Variants in ARHGEF38 observed in about 807,000 individuals in gnomAD.
ARHGEF38 encodes the protein Rho guanine nucleotide exchange factor (GEF) 38.
In ARHGEF38, 79 loss-of-function variants were observed where a neutral mutation model predicts 79.9. That is an observed-to-expected ratio of 0.99 (90% CI 0.82 to 1.19). The LOEUF (loss-of-function observed/expected upper bound fraction) is 1.19. Among genes scored for constraint, ARHGEF38 ranks in the 50% most tolerant of loss-of-function variants. ARHGEF38 has a pLI of 0.00. For missense variants in ARHGEF38, 962 were observed against 907.2 expected (o/e 1.06, Z -0.78); for synonymous variants, 366 against 328.3 (o/e 1.11, Z -1.24).
chr4:105,613,606 C>T (rs546189173), intron 3 of ARHGEF38, 99 bp downstream of exon 3: 2 of 1,329,766 alleles, frequency 1.5e-6, no homozygotes, highest in African/African-American at 2.9e-5. Context: ...CACCATGCTT[C>T]CCAGGAGATA....
chr4:105,554,902 T>A (rs1725181750), intron 1 of ARHGEF38, among the ~76,000 whole-genome samples: 2 of 151,990 alleles, frequency 1.3e-5, no homozygotes, highest in Non-Finnish European at 2.9e-5. Flanking sequence ...AGACCACATC[T>A]AGAAATTCAG....
rs1729178035 is a variant in ARHGEF38 at position 105,631,221 on chromosome 4, T to C, written c.656+176T>C. ...ACATGCCAGAAGCCCTGATTGACTT[T>C]TTTTCCCCCTGCGAGAATGACTAAA... On this transcript the variant is annotated intron_variant, in intron 4 of 13. Transcript: ENST00000420470. 2.4e-6 allele frequency: 3 copies of C among 1,255,990 alleles called. No individual in the cohort carries two copies. In the South Asian group the frequency reaches 9.8e-5, roughly 41 times the overall value. The allele number at this position is 1,255,990 out of a possible 1,614,324, so 77.8% of individuals were successfully genotyped here.
intron 3 of ARHGEF38, among the ~76,000 whole-genome samples, chr4:105,626,020 C>A (rs910907872): frequency 7.2e-5 from 11 of 152,190 alleles, no homozygotes; most frequent in Non-Finnish European, 1.3e-4. Context: ...TGTGAACACT[C>A]TCGCATGGCC....
chr4:105,618,492 G>A (rs1341394719), intron 3 of ARHGEF38, among the ~76,000 whole-genome samples: 1 of 151,970 alleles, frequency 6.6e-6, no homozygotes, highest in South Asian at 2.1e-4. Context: ...GTGGTGGCAC[G>A]CACCTGTAGT....
At position 105,659,406 on chromosome 4, in the gene ARHGEF38, C is replaced by T. The variant is rs370974976; in HGVS notation, c.1545+41C>T. 4.0e-6 allele frequency: 6 copies of T among 1,502,464 alleles called. No homozygotes were observed. In the African/African-American group the frequency reaches 6.9e-5, roughly 17 times the overall value. The allele number at this position is 1,502,464 out of a possible 1,614,324, so 93.1% of individuals were successfully genotyped here. The stretch of plus-strand genomic sequence containing the variant: ...ACACCTAGCTAGCTACCTTGGCCTA[C>T]TGGATCTGCTAGAAACCACACCCAT... On this transcript the variant is annotated intron_variant, in intron 10 of 13. Coordinates refer to ENST00000420470, the MANE Select transcript of ARHGEF38 (RefSeq NM_001242729.2).
intron 4 of ARHGEF38, among the ~76,000 whole-genome samples, chr4:105,633,634 G>A (rs2110521534): frequency 6.6e-6 from 1 of 152,266 alleles, no homozygotes; most frequent in Middle Eastern, 3.4e-3. Context: ...TGCCTCAGAA[G>A]TTAAGGTGGA....
intron 1 of ARHGEF38, among the ~76,000 whole-genome samples, chr4:105,561,398 AATAAT>A (rs1332091200): frequency 0.018 from 345 of 18,660 alleles, 45 homozygotes; most frequent in African/African-American, 0.07. Flanking sequence ...AATAGAGTAG[AATAAT>A]AGAATAGAAT....
chr4:105,680,144 A>C lies in ARHGEF38; in HGVS notation c.*2207A>C. The C allele has an allele frequency of 1.5e-6, 1 of 652,784 alleles. No homozygotes were observed. Among genetic ancestry groups the C allele is most frequent in the Non-Finnish European group, 2.9e-6 (1 of 348,480 alleles). 40.4% of individuals were successfully genotyped at this position (652,784 alleles called of 1,614,324 possible). On this transcript the variant is annotated 3_prime_UTR_variant, in exon 14 of 14. Transcript: ENST00000420470. ...GGAGGAAATTGAGGACCTCACATGG[A>C]GGGACTGGAATTTAAAACCAGGTCT...
At chr4:105,667,803 C>A in intron 13 of ARHGEF38, 100 bp downstream of exon 13, 2 of 1,387,806 alleles carry the variant, frequency 1.4e-6, no homozygotes, top group South Asian at 1.4e-5. Flanking sequence ...AAAGTGCCAG[C>A]TTTGACATCA....
chr4:105,592,107 T>C (rs1250778555), intron 2 of ARHGEF38, among the ~76,000 whole-genome samples: 1 of 152,198 alleles, frequency 6.6e-6, no homozygotes, highest in Non-Finnish European at 1.5e-5. Context: ...TCTTATTCTT[T>C]GAAAAATTTG....
chr4:105,677,797 C>T lies in ARHGEF38; in HGVS notation c.2194C>T (p.Leu732Phe), dbSNP rs763521178. ...HAFQARSDHE[L>F]SLQEYQRVHI... is the part of the protein sequence containing the mutation. The stretch of plus-strand genomic sequence containing the variant: ...TTTTCAAGCACGGAGTGACCATGAA[C>T]TCAGCCTTCAGGAATACCAGAGAGT... The change falls in exon 14 of 14, where the codon CTC becomes TTC. Residue 732 changes from leucine (L) to phenylalanine (F), a missense_variant. Transcript: ENST00000420470. 154 of 1,531,628 alleles carry T rather than the reference C, an allele frequency of 1.0e-4. No homozygotes were observed. The highest frequency in any genetic ancestry group is 1.1e-4 in the Non-Finnish European group (124 of 1,143,822). The allele number at this position is 1,531,628 out of a possible 1,614,324, so 94.9% of individuals were successfully genotyped here.
intron 13 of ARHGEF38, among the ~76,000 whole-genome samples, chr4:105,677,525 A>G (rs78694585): frequency 2.0e-5 from 3 of 152,336 alleles, no homozygotes; most frequent in East Asian, 3.9e-4. Context: ...GCCTTCAAGC[A>G]TGGACAATTT....
At chr4:105,560,540 A>T (rs1212207674) in intron 1 of ARHGEF38, among the ~76,000 whole-genome samples, 2 of 152,212 alleles carry the variant, frequency 1.3e-5, no homozygotes, top group Non-Finnish European at 2.9e-5. Flanking sequence ...GTAGAATTGT[A>T]TGAAGTCAGC....
intron 1 of ARHGEF38, among the ~76,000 whole-genome samples, chr4:105,585,039 C>T (rs1726968026): frequency 6.6e-6 from 1 of 152,172 alleles, no homozygotes. Context: ...TCTTCCTCTT[C>T]CAACTGAACT....
chr4:105,608,989 C>T (rs995664995), intron 2 of ARHGEF38, among the ~76,000 whole-genome samples: 1 of 152,036 alleles, frequency 6.6e-6, no homozygotes, highest in African/African-American at 2.4e-5. Context: ...GTTTTCTTTG[C>T]TGTGCAGAAG....
At chr4:105,644,082 G>A (rs1281767678) in intron 5 of ARHGEF38, among the ~76,000 whole-genome samples, 2 of 151,806 alleles carry the variant, frequency 1.3e-5, no homozygotes, top group East Asian at 1.9e-4. Flanking sequence ...TGCCCAGGCT[G>A]GTCTTGAACT....
At chr4:105,617,424 C>T (rs1728553939) in intron 3 of ARHGEF38, among the ~76,000 whole-genome samples, 1 of 152,036 alleles carries the variant, frequency 6.6e-6, no homozygotes, top group Non-Finnish European at 1.5e-5. Context: ...TTTTTATATA[C>T]ACAAAATTAG....
intron 4 of ARHGEF38, among the ~76,000 whole-genome samples, chr4:105,632,119 T>C (rs935432770): frequency 6.6e-6 from 1 of 152,178 alleles, no homozygotes; most frequent in Non-Finnish European, 1.5e-5. Context: ...GAGGAGGCGT[T>C]TCCCGGCTAG....
chr4:105,588,923 C>T (rs1032066327), intron 1 of ARHGEF38, among the ~76,000 whole-genome samples: 3 of 152,162 alleles, frequency 2.0e-5, no homozygotes, highest in Non-Finnish European at 2.9e-5. Flanking sequence ...CAAATGTGAA[C>T]GGAAGTTGTG....
Sources: gnomAD v4.1 joint callset for allele counts (sites outside exome capture counted in the v4.1 genomes callset) on GRCh38, gnomAD v4.1.1 for gene constraint, MANE v1.5 for transcripts, NCBI Gene and HGNC (gene_info 2026-07-23, HGNC 2026-07-21) for gene names.